Variants in GFOD1 observed in about 807,000 individuals in gnomAD.
GFOD1 encodes the protein glucose-fructose oxidoreductase domain-containing protein 1.
In GFOD1, 9 loss-of-function variants were observed where a neutral mutation model predicts 25.4. The observed-to-expected ratio is 0.35, with a 90% confidence interval of 0.21 to 0.62. The LOEUF (loss-of-function observed/expected upper bound fraction) is 0.62. Among genes scored for constraint, GFOD1 ranks in the 20% least tolerant of loss-of-function variants. The probability of loss-of-function intolerance (pLI) is 0.72; values close to 1 mark genes in which losing one functional copy is unlikely to be tolerated. For synonymous variants in GFOD1, 253 were observed against 245.6 expected, an observed-to-expected ratio of 1.03 and a Z score of -0.28; for missense variants, 403 against 556.9, an observed-to-expected ratio of 0.72 and a Z score of 2.78.
At chr6:13,411,198 A>G (rs750431580) in intron 1 of GFOD1, among the ~76,000 whole-genome samples, 4 of 152,230 alleles carry the variant, frequency 2.6e-5, no homozygotes, top group African/African-American at 9.6e-5. Flanking sequence ...CTGTGAAGAC[A>G]GAGGGCTCCA....
At chr6:13,467,139 C>T (rs559696817) in intron 1 of GFOD1, among the ~76,000 whole-genome samples, 12 of 151,798 alleles carry the variant, frequency 7.9e-5, no homozygotes, top group African/African-American at 2.9e-4. Context: ...ATAGCAGAAG[C>T]CAAGTGAACC....
At chr6:13,389,313 CAT>C (rs1785537495) in intron 1 of GFOD1, among the ~76,000 whole-genome samples, 1 of 152,204 alleles carries the variant, frequency 6.6e-6, no homozygotes, top group African/African-American at 2.4e-5. Context: ...CACATGCACA[CAT>C]ATGTTTATTG....
chr6:13,477,165 AG>A (rs1406339826), intron 1 of GFOD1, among the ~76,000 whole-genome samples: 1 of 151,404 alleles, frequency 6.6e-6, no homozygotes, highest in Non-Finnish European at 1.5e-5. Flanking sequence ...GCCTTGATCC[AG>A]GCAAAATCTG....
At chr6:13,411,327 T>C (rs1786073878) in intron 1 of GFOD1, among the ~76,000 whole-genome samples, 1 of 152,328 alleles carries the variant, frequency 6.6e-6, no homozygotes, top group East Asian at 1.9e-4. Flanking sequence ...AGTCTCACTC[T>C]GTCAGCCAGG....
intron 1 of GFOD1, among the ~76,000 whole-genome samples, chr6:13,376,037 C>T (rs1785248419): frequency 6.6e-6 from 1 of 152,186 alleles, no homozygotes; most frequent in South Asian, 2.1e-4. Context: ...CTTGCTACTT[C>T]CAGCCCAAGG....
intron 1 of GFOD1, among the ~76,000 whole-genome samples, chr6:13,400,805 C>A (rs560406027): frequency 6.6e-6 from 1 of 152,156 alleles, no homozygotes; most frequent in Non-Finnish European, 1.5e-5. Context: ...GGTGAGGGAA[C>A]ACAGGAGGCC....
chr6:13,419,759 C>A (rs573544365), intron 1 of GFOD1, among the ~76,000 whole-genome samples: 3 of 152,328 alleles, frequency 2.0e-5, no homozygotes, highest in South Asian at 2.1e-4. Context: ...ACTCCCACCC[C>A]CTTCGCACTC....
intron 1 of GFOD1, chr6:13,470,739 C>T (rs951851491): frequency 2.7e-5 from 37 of 1,395,918 alleles, no homozygotes; most frequent in Non-Finnish European, 3.3e-5. Context: ...GCCAGGGACA[C>T]ATTTAAATAA....
At chr6:13,394,945 C>T (rs1785697835) in intron 1 of GFOD1, among the ~76,000 whole-genome samples, 1 of 152,006 alleles carries the variant, frequency 6.6e-6, no homozygotes, top group Non-Finnish European at 1.5e-5. Context: ...TCATACCTGG[C>T]TAATTTTTAA....
At chr6:13,433,944 A>T (rs1757791423) in intron 1 of GFOD1, among the ~76,000 whole-genome samples, 1 of 152,204 alleles carries the variant, frequency 6.6e-6, no homozygotes, top group East Asian at 1.9e-4. Context: ...AAACATTTTC[A>T]TAGTCTTATT....
At chr6:13,412,456 T>C (rs1458037877) in intron 1 of GFOD1, among the ~76,000 whole-genome samples, 1 of 152,228 alleles carries the variant, frequency 6.6e-6, no homozygotes, top group Non-Finnish European at 1.5e-5. Flanking sequence ...TAAATTTCCT[T>C]GTTTAGGCCA....
intron 1 of GFOD1, among the ~76,000 whole-genome samples, chr6:13,367,763 A>G (rs1345957026): frequency 8.2e-6 from 1 of 121,756 alleles, no homozygotes; most frequent in African/African-American, 5.9e-5. Flanking sequence ...GAGGGCAAGA[A>G]AAAAAAAAAA....
At chr6:13,484,973 A>C (rs1158076558) in intron 1 of GFOD1, among the ~76,000 whole-genome samples, 1 of 152,222 alleles carries the variant, frequency 6.6e-6, no homozygotes, top group African/African-American at 2.4e-5. Context: ...TTATACCATA[A>C]GATCGTTATA....
chr6:13,487,234 TGCGCCCCGCCAA>T lies in GFOD1; in HGVS notation c.-356_-345del, dbSNP rs1417016098. 2 of 251,092 alleles carry T rather than the reference TGCGCCCCGCCAA, an allele frequency of 8.0e-6. No homozygotes were observed. Among genetic ancestry groups the T allele is most frequent in the African/African-American group, 4.5e-5 (2 of 44,420 alleles). 15.6% of individuals were successfully genotyped at this position (251,092 alleles called of 1,614,324 possible). A position where few individuals can be genotyped will look rare whatever the true frequency, so the allele number is the denominator to read the frequency against. ...CCCGCGGCAGCGCCAGTCCGCTGCG[TGCGCCCCGCCAA>T]GGCCGCTCCATGGCCGGCTCATCCC... is the stretch of plus-strand genomic sequence containing the variant. On this transcript the variant is annotated 5_prime_UTR_variant, in exon 1 of 2. Coordinates refer to ENST00000379287, the MANE Select transcript of GFOD1 (RefSeq NM_018988.4). The surrounding 1 kb of genome is among the most constrained non-coding windows in gnomAD (Gnocchi z 4.9).
rs182924455 is a variant in GFOD1 at position 13,474,688 on chromosome 6, G to T, written c.253+11950C>A. 1.2e-4 allele frequency among the ~76,000 whole-genome samples: 18 copies of T among 152,276 alleles called. No homozygotes were observed. The East Asian group carries it at 3.5e-3, about 29-fold the overall frequency. On this transcript the variant is annotated intron_variant, in intron 1 of 1. Transcript: ENST00000379287. ...ACCACAGCTAACATAGTGCTACAGGGATTCAAAAGGTATTTACTAACTAAA... is the reference window on the plus strand; with the variant it reads ...ACCACAGCTAACATAGTGCTACAGGTATTCAAAAGGTATTTACTAACTAAA...
intron 1 of GFOD1, among the ~76,000 whole-genome samples, chr6:13,369,673 A>G (rs977591795): frequency 6.6e-6 from 1 of 152,208 alleles, no homozygotes; most frequent in African/African-American, 2.4e-5. Context: ...ACAAAAAACA[A>G]AACAACTATG....
chr6:13,399,045 C>T (rs999398663), intron 1 of GFOD1, among the ~76,000 whole-genome samples: 5 of 152,148 alleles, frequency 3.3e-5, no homozygotes, highest in African/African-American at 4.8e-5. Flanking sequence ...GACAGGGTCT[C>T]ACTATGTTAC....
rs527741946 is a variant in GFOD1 at position 13,387,259 on chromosome 6, T to C, written c.254-21597A>G. Among the ~76,000 whole-genome samples the C allele has an allele frequency of 2.1e-4, 32 of 152,300 alleles. No homozygotes were observed. The South Asian group carries it at 6.2e-3, about 30-fold the overall frequency. On this transcript the variant is annotated intron_variant, in intron 1 of 1. Coordinates refer to ENST00000379287, the MANE Select transcript of GFOD1 (RefSeq NM_018988.4). The stretch of plus-strand genomic sequence containing the variant: ...GCCCAGATAATCTGACAACTCCTTT[T>C]CATAGTCAAGGGAATGTCGGATCCT...
At chr6:13,485,999 C>A in intron 1 of GFOD1, 1 of 984,002 alleles carries the variant, frequency 1.0e-6, no homozygotes, top group East Asian at 1.1e-4. Context: ...CAACCACTCC[C>A]ACCGTCCTTG....
Sources: gnomAD v4.1 joint callset for allele counts (sites outside exome capture counted in the v4.1 genomes callset) on GRCh38, gnomAD v4.1.1 for gene constraint, Gnocchi (gnomAD v3.1) non-coding constraint, MANE v1.5 for transcripts, NCBI Gene and HGNC (gene_info 2026-07-23, HGNC 2026-07-21) for gene names.